Variants in BPTF observed in about 807,000 individuals in gnomAD.
BPTF encodes the protein nucleosome-remodeling factor subunit BPTF.
BPTF carries 18 observed loss-of-function variants against 292.5 expected under a neutral mutation model. That is an observed-to-expected ratio of 0.06 (90% CI 0.04 to 0.09). The LOEUF (loss-of-function observed/expected upper bound fraction) is 0.09. BPTF is among the 10% of genes least tolerant of loss of function. The probability of loss-of-function intolerance (pLI) is 1.00; values close to 1 mark genes in which losing one functional copy is unlikely to be tolerated. For synonymous variants in BPTF, 1,225 were observed against 1,251.9 expected (o/e 0.98, Z 0.45); for missense variants, 2,726 against 3,498.7 (o/e 0.78, Z 5.57).
chr17:67,911,285 A>C lies in BPTF; in HGVS notation c.3401A>C (p.Glu1134Ala). ...QSPNANNDQP[E>A]DLIQGCSESD... ...CCAAATGCAAATAATGATCAACCTG[A>C]GGACTTGATTCAGGGATGTTCAGAA... Residue 1134 changes from glutamate to alanine, a missense_variant, in exon 11 of 28, where the codon GAG (glutamate) becomes GCG (alanine). This residue lies in a region of BPTF where 713 missense variants were observed against 714.9 expected (regional missense o/e 1.00). Transcript: ENST00000306378. 6.2e-7 allele frequency: 1 copy of C among 1,614,132 alleles called. No individual in the cohort carries two copies. The highest frequency in any genetic ancestry group is 8.5e-7 in the Non-Finnish European group (1 of 1,180,014).
At chr17:67,933,653 G>A (rs760367419) in intron 18 of BPTF, among the ~76,000 whole-genome samples, 36 of 152,314 alleles carry the variant, frequency 2.4e-4, no homozygotes, top group Non-Finnish European at 3.5e-4. Context: ...ATATTAAAGT[G>A]TAAAAAGCAA....
At chr17:67,835,268 A>G (rs2057034418) in intron 1 of BPTF, among the ~76,000 whole-genome samples, 1 of 152,176 alleles carries the variant, frequency 6.6e-6, no homozygotes, top group Non-Finnish European at 1.5e-5. Context: ...ACTAGCTGTT[A>G]TATGTTCATT....
intron 2 of BPTF, among the ~76,000 whole-genome samples, chr17:67,863,862 C>A (rs2059233808): frequency 6.6e-6 from 1 of 152,212 alleles, no homozygotes; most frequent in Non-Finnish European, 1.5e-5. Flanking sequence ...GAGTCATTAA[C>A]CTTCTACTTA....
At chr17:67,882,264 C>T (rs1156472150) in intron 4 of BPTF, among the ~76,000 whole-genome samples, 3 of 152,084 alleles carry the variant, frequency 2.0e-5, no homozygotes, top group Non-Finnish European at 4.4e-5. Flanking sequence ...ATTTAGAGAC[C>T]ACAGTCTAGA....
intron 3 of BPTF, among the ~76,000 whole-genome samples, chr17:67,869,266 T>A (rs1250781308): frequency 1.3e-5 from 2 of 152,168 alleles, no homozygotes; most frequent in African/African-American, 2.4e-5. Context: ...TTAAAATATT[T>A]TTCAGAATAA....
At chr17:67,846,172 A>T (rs1407660640) in intron 1 of BPTF, among the ~76,000 whole-genome samples, 1 of 152,186 alleles carries the variant, frequency 6.6e-6, no homozygotes, top group Non-Finnish European at 1.5e-5. Context: ...ATAATTATAA[A>T]ATAGTCCAAA....
At chr17:67,845,005 A>G (rs2144619097) in intron 1 of BPTF, among the ~76,000 whole-genome samples, 1 of 152,298 alleles carries the variant, frequency 6.6e-6, no homozygotes, top group Middle Eastern at 3.4e-3. Context: ...AGCCTCCCAA[A>G]GTGCTGGGAT....
intron 3 of BPTF, among the ~76,000 whole-genome samples, chr17:67,873,688 A>G (rs559385731): frequency 6.6e-6 from 1 of 151,790 alleles, no homozygotes; most frequent in South Asian, 2.1e-4. Flanking sequence ...AATGAACCCT[A>G]TACAGACACA....
chr17:67,970,752 C>CT (rs2068669066), intron 26 of BPTF, among the ~76,000 whole-genome samples: 1 of 152,146 alleles, frequency 6.6e-6, no homozygotes, highest in Admixed American at 6.5e-5. Flanking sequence ...AAACTTAATA[C>CT]TTTTTCACAT....
intron 3 of BPTF, among the ~76,000 whole-genome samples, chr17:67,869,907 CAAGAGAATGGCGTG>C (rs1389412786): frequency 7.1e-6 from 1 of 139,926 alleles, no homozygotes; most frequent in Non-Finnish European, 1.5e-5. Context: ...CAGCCTGAGG[CAAGAGAATGGCGTG>C]AACCCGGGAG....
chr17:67,844,165 C>T (rs1199478704), intron 1 of BPTF, among the ~76,000 whole-genome samples: 99 of 150,182 alleles, frequency 6.6e-4, no homozygotes, highest in African/African-American at 2.2e-3. Flanking sequence ...CTGCAACCTC[C>T]GCCTCCCAGG....
chr17:67,863,910 A>C (rs2059238090), intron 2 of BPTF, among the ~76,000 whole-genome samples: 1 of 152,154 alleles, frequency 6.6e-6, no homozygotes, highest in Non-Finnish European at 1.5e-5. Context: ...TTTAAAATGT[A>C]GACATATAAT....
At chr17:67,955,620 A>G (rs1555680565) in intron 23 of BPTF, 1 of 152,022 alleles carries the variant, frequency 6.6e-6, no homozygotes, top group Non-Finnish European at 1.5e-5. Context: ...TGAGCTCAGG[A>G]GTTCGAGACC....
At chr17:67,968,434 A>C (rs577675569) in intron 26 of BPTF, among the ~76,000 whole-genome samples, 1 of 151,734 alleles carries the variant, frequency 6.6e-6, no homozygotes, top group South Asian at 2.1e-4. Flanking sequence ...CTAAAATAAT[A>C]AGTTAATTAT....
intron 2 of BPTF, among the ~76,000 whole-genome samples, chr17:67,865,052 C>T (rs945579146): frequency 2.0e-5 from 3 of 152,172 alleles, no homozygotes; most frequent in South Asian, 2.1e-4. Flanking sequence ...GTGATCCGCC[C>T]GCCTCAGCCT....
chr17:67,960,719 A>G (rs1348378487), intron 24 of BPTF, among the ~76,000 whole-genome samples: 3 of 152,250 alleles, frequency 2.0e-5, no homozygotes, highest in East Asian at 3.8e-4. Flanking sequence ...TTTAGAATCA[A>G]TTAATTAGAA....
chr17:67,963,575 T>G, intron 24 of BPTF: 1 of 1,283,498 alleles, frequency 7.8e-7, no homozygotes, highest in Non-Finnish European at 9.9e-7. Context: ...GTTACTTATT[T>G]ATTTTAAAAT....
Position 67,957,874 on chromosome 17 carries a change from G to C in BPTF, c.7927-1667G>C, listed in dbSNP as rs150324297. Among the ~76,000 whole-genome samples the C allele has an allele frequency of 2.1e-3, 324 of 152,286 alleles. 1 individual carries two copies. Among genetic ancestry groups the C allele is most frequent in the African/African-American group, 7.2e-3 (300 of 41,564 alleles). On this transcript the variant is annotated intron_variant, in intron 23 of 27. Transcript: ENST00000306378. ...CTGTCTCCACATAAGAAATACTCTT[G>C]GTCATAGCTATGATTTCTTTACACC...
chr17:67,958,373 C>G (rs531992432), intron 23 of BPTF, among the ~76,000 whole-genome samples: 117 of 152,160 alleles, frequency 7.7e-4, no homozygotes, highest in African/African-American at 2.7e-3. Context: ...TGGCCAAAAC[C>G]AAGATGGCGA....
Sources: gnomAD v4.1 joint callset for allele counts (sites outside exome capture counted in the v4.1 genomes callset) on GRCh38, gnomAD v4.1.1 for gene constraint, gnomAD v4.1.1 regional missense constraint, MANE v1.5 for transcripts, NCBI Gene and HGNC (gene_info 2026-07-23, HGNC 2026-07-21) for gene names.